Variants in ARID4B observed in about 807,000 individuals in gnomAD.
The protein encoded by ARID4B is AT-rich interaction domain 4B, also known as AT-rich interactive domain-containing protein 4B.
In ARID4B, 26 loss-of-function variants were observed where a neutral mutation model predicts 147.5. That is an observed-to-expected ratio of 0.18 (90% CI 0.13 to 0.24). The LOEUF (loss-of-function observed/expected upper bound fraction) is 0.24. Ranked by LOEUF, ARID4B falls within the 10% of genes least tolerant of loss-of-function variation. The pLI, the probability that ARID4B is intolerant of heterozygous loss-of-function variation, is 1.00. For missense variants in ARID4B, 1,179 were observed against 1,511.5 expected (o/e 0.78, Z 3.65); for synonymous variants, 512 against 507.9 (o/e 1.01, Z -0.11).
chr1:235,236,067 C>T (rs1401353341), intron 8 of ARID4B, among the ~76,000 whole-genome samples: 1 of 151,750 alleles, frequency 6.6e-6, no homozygotes, highest in Non-Finnish European at 1.5e-5. Context: ...GCTGGGACTA[C>T]AGGCACAGGC....
At chr1:235,255,145 C>G (rs1669871251) in intron 5 of ARID4B, among the ~76,000 whole-genome samples, 1 of 151,222 alleles carries the variant, frequency 6.6e-6, no homozygotes, top group South Asian at 2.1e-4. Flanking sequence ...AACTGGAAAC[C>G]TCATCAGTAA....
chr1:235,223,142 T>C (rs550767458), intron 13 of ARID4B, 24 bp downstream of exon 13: 2 of 1,445,758 alleles, frequency 1.4e-6, no homozygotes, highest in East Asian at 4.7e-5. Flanking sequence ...GAAAAAGATG[T>C]TTCAGTTTGA....
At chr1:235,185,215 T>C (rs368599378) in intron 19 of ARID4B, among the ~76,000 whole-genome samples, 2 of 152,214 alleles carry the variant, frequency 1.3e-5, no homozygotes, top group African/African-American at 4.8e-5. Flanking sequence ...TATATAGTTA[T>C]CTTTCATTTT....
At chr1:235,284,982 C>G (rs184107404) in intron 2 of ARID4B, among the ~76,000 whole-genome samples, 2 of 152,192 alleles carry the variant, frequency 1.3e-5, no homozygotes, top group Admixed American at 1.3e-4. Flanking sequence ...TGGCTCACTG[C>G]AACCTCCAAC....
chr1:235,321,895 C>T (rs916586477), intron 2 of ARID4B, among the ~76,000 whole-genome samples: 4 of 151,976 alleles, frequency 2.6e-5, no homozygotes, highest in African/African-American at 9.7e-5. Context: ...GGACTTCTTA[C>T]CTGGAATTTC....
chr1:235,213,722 T>C (rs1666857368), intron 17 of ARID4B, 47 bp downstream of exon 17: 1 of 1,549,134 alleles, frequency 6.5e-7, no homozygotes, highest in African/African-American at 1.4e-5. Flanking sequence ...AGAAAAGTAT[T>C]TTATAATTGT....
chr1:235,233,839 T>C (rs1343471655), intron 9 of ARID4B, among the ~76,000 whole-genome samples: 1 of 152,124 alleles, frequency 6.6e-6, no homozygotes, highest in Non-Finnish European at 1.5e-5. Context: ...CCCAGCACTT[T>C]GGGGTTCGAG....
Position 235,326,988 on chromosome 1 carries a change from C to T in ARID4B, c.-49-20G>A. 1.9e-6 allele frequency: 3 copies of T among 1,545,266 alleles called. No individual in the cohort carries two copies. On this transcript the variant is annotated intron_variant, in intron 1 of 23. Coordinates refer to ENST00000264183, the MANE Select transcript of ARID4B (RefSeq NM_016374.6). ...CTGCACCTGGAGGGGAAACAAAAGA[C>T]ACCCAGTCAACACCACAGGAGCCCC... is the stretch of plus-strand genomic sequence containing the variant.
Position 235,219,775 on chromosome 1 carries a change from CA to C in ARID4B, c.1583+17del. 6.3e-7 allele frequency: 1 copy of C among 1,579,524 alleles called. No individual in the cohort carries two copies. The highest frequency in any genetic ancestry group is 8.6e-7 in the Non-Finnish European group (1 of 1,166,204). On this transcript the variant is annotated intron_variant, in intron 16 of 23. Coordinates refer to ENST00000264183, the MANE Select transcript of ARID4B (RefSeq NM_016374.6). The stretch of plus-strand genomic sequence containing the variant: ...CCATCAAGCTGAAATGCATCGTAAC[CA>C]AAAACAATTTTCTTACCCAGATTTT...
chr1:235,265,238 C>T lies in ARID4B; in HGVS notation c.7-4486G>A, dbSNP rs935031271. Among the ~76,000 whole-genome samples, 5 of 151,382 alleles carry T rather than the reference C, an allele frequency of 3.3e-5. No homozygotes were observed. In the East Asian group the frequency reaches 7.8e-4, roughly 23 times the overall value. On this transcript the variant is annotated intron_variant, in intron 2 of 23. Transcript: ENST00000264183. ...AACATTAGCCAGGTGTGGTGGCGGG[C>T]GCCTGTAATCCCAGCTACTCGGGAG...
chr1:235,171,847 G>A (rs1240354803), intron 23 of ARID4B, among the ~76,000 whole-genome samples: 2 of 152,014 alleles, frequency 1.3e-5, no homozygotes, highest in African/African-American at 4.8e-5. Flanking sequence ...TCACTATGTT[G>A]GCCAAGCTGG....
chr1:235,251,742 A>G (rs1181706126), intron 6 of ARID4B, among the ~76,000 whole-genome samples: 1 of 152,116 alleles, frequency 6.6e-6, no homozygotes, highest in Non-Finnish European at 1.5e-5. Context: ...CCAAATAGTG[A>G]GTAGAGAAAA....
intron 8 of ARID4B, among the ~76,000 whole-genome samples, chr1:235,237,125 G>A (rs992090961): frequency 6.0e-5 from 9 of 151,022 alleles, no homozygotes; most frequent in African/African-American, 2.0e-4. Flanking sequence ...CGCCTGCCTC[G>A]GCCTCCCAAA....
intron 2 of ARID4B, among the ~76,000 whole-genome samples, chr1:235,277,000 GAAA>G (rs751564359): frequency 3.0e-5 from 3 of 99,518 alleles, no homozygotes; most frequent in Admixed American, 1.1e-4. Flanking sequence ...CACCATCTCC[GAAA>G]AAAAAAAAAA....
At chr1:235,197,153 CTTCA>C (rs890678270) in intron 17 of ARID4B, among the ~76,000 whole-genome samples, 44 of 152,028 alleles carry the variant, frequency 2.9e-4, no homozygotes, top group African/African-American at 1.0e-3. Context: ...TTTATTCGTT[CTTCA>C]TTCATTCAAG....
At chr1:235,268,573 G>A (rs1479218967) in intron 2 of ARID4B, among the ~76,000 whole-genome samples, 1 of 152,056 alleles carries the variant, frequency 6.6e-6, no homozygotes, top group East Asian at 1.9e-4. Flanking sequence ...CTGTTGCCCA[G>A]GCTGGAGTGC....
chr1:235,309,427 G>C (rs1219396007), intron 2 of ARID4B, among the ~76,000 whole-genome samples: 1 of 148,372 alleles, frequency 6.7e-6, no homozygotes, highest in Non-Finnish European at 1.5e-5. Flanking sequence ...GGAGGTGGGG[G>C]GGTCAGCCCC....
intron 2 of ARID4B, among the ~76,000 whole-genome samples, chr1:235,324,095 G>C (rs1179778468): frequency 6.6e-6 from 1 of 151,768 alleles, no homozygotes; most frequent in African/African-American, 2.4e-5. Flanking sequence ...AGAAGAGACA[G>C]GGTTTTACTA....
chr1:235,293,513 T>C (rs1165689199), intron 2 of ARID4B, among the ~76,000 whole-genome samples: 3 of 152,212 alleles, frequency 2.0e-5, no homozygotes, highest in East Asian at 1.9e-4. Flanking sequence ...TATCTACTTA[T>C]ACTATACATA....
Sources: gnomAD v4.1 joint callset for allele counts (sites outside exome capture counted in the v4.1 genomes callset) on GRCh38, gnomAD v4.1.1 for gene constraint, MANE v1.5 for transcripts, NCBI Gene and HGNC (gene_info 2026-07-23, HGNC 2026-07-21) for gene names.